The following ADGRL3 variants were observed in gnomAD, a reference collection of about 807,000 sequenced individuals.
ADGRL3 encodes adhesion G protein-coupled receptor L3.
ADGRL3 carries 62 observed loss-of-function variants against 153.5 expected under a neutral mutation model. That is an observed-to-expected ratio of 0.40 (90% CI 0.33 to 0.50). The LOEUF is 0.50. ADGRL3 is among the 20% of genes least tolerant of loss of function. ADGRL3 has a pLI of 0.47. For synonymous variants in ADGRL3, 710 were observed against 672.5 expected, an observed-to-expected ratio of 1.06 and a Z score of -0.86; for missense variants, 1,641 against 1,859.4, an observed-to-expected ratio of 0.88 and a Z score of 2.16.
intron 6 of ADGRL3, among the ~76,000 whole-genome samples, chr4:61,696,833 G>A (rs1023836780): frequency 4.6e-5 from 7 of 151,782 alleles, no homozygotes; most frequent in Non-Finnish European, 7.4e-5. Flanking sequence ...CTGCCACCAC[G>A]TCCAGCTAAA....
At chr4:61,976,613 A>G (rs2099048961) in intron 17 of ADGRL3, among the ~76,000 whole-genome samples, 1 of 152,166 alleles carries the variant, frequency 6.6e-6, no homozygotes, top group Non-Finnish European at 1.5e-5. Context: ...ATAATTGAAT[A>G]ATGGGAGCGG....
At chr4:61,355,982 T>C (rs1265960299) in intron 1 of ADGRL3, among the ~76,000 whole-genome samples, 1 of 152,082 alleles carries the variant, frequency 6.6e-6, no homozygotes, top group Non-Finnish European at 1.5e-5. Flanking sequence ...ATTTATAATG[T>C]ATTTGATCCA....
At chr4:61,507,711 A>G (rs1309223026) in intron 3 of ADGRL3, among the ~76,000 whole-genome samples, 1 of 152,130 alleles carries the variant, frequency 6.6e-6, no homozygotes, top group East Asian at 1.9e-4. Context: ...TCTTACTACC[A>G]TTAAAAAGCA....
intron 9 of ADGRL3, among the ~76,000 whole-genome samples, chr4:61,862,840 A>G (rs2098357351): frequency 6.6e-6 from 1 of 152,120 alleles, no homozygotes; most frequent in Non-Finnish European, 1.5e-5. Flanking sequence ...CAACACTACC[A>G]CTAGATCAGT....
In ADGRL3 at chr4:62,044,331, T is replaced by C. The variant is rs189903466; in HGVS notation, c.3718-122T>C. Reference sequence around the variant, plus strand: ...CTACTGTACTGCAAACATGTAGTTGTCTATTTGCCAAATGCTAGAAACAAA... The same window carrying C: ...CTACTGTACTGCAAACATGTAGTTGCCTATTTGCCAAATGCTAGAAACAAA... On this transcript the variant is annotated intron_variant, in intron 24 of 26. Coordinates refer to ENST00000683033, the MANE Select transcript of ADGRL3 (RefSeq NM_001387552.1). 1,152 of 665,990 alleles carry C rather than the reference T, an allele frequency of 1.7e-3. 4 individuals carry two copies. Among genetic ancestry groups the C allele is most frequent in the Admixed American group, 2.5e-3 (97 of 39,024 alleles). 41.3% of individuals were successfully genotyped at this position (665,990 alleles called of 1,614,324 possible).
At chr4:61,605,770 A>G (rs2099030094) in intron 5 of ADGRL3, among the ~76,000 whole-genome samples, 1 of 152,150 alleles carries the variant, frequency 6.6e-6, no homozygotes, top group Non-Finnish European at 1.5e-5. Flanking sequence ...CCTTTATGAA[A>G]AGCTTATGTA....
chr4:61,372,998 C>T (rs188364275), intron 1 of ADGRL3, among the ~76,000 whole-genome samples: 8 of 152,132 alleles, frequency 5.3e-5, no homozygotes, highest in Middle Eastern at 3.2e-3. Flanking sequence ...TCTCCAGGTG[C>T]GGTCGGTCAC....
chr4:61,456,104 G>C (rs1046579540), intron 2 of ADGRL3, among the ~76,000 whole-genome samples: 1 of 151,682 alleles, frequency 6.6e-6, no homozygotes, highest in Non-Finnish European at 1.5e-5. Flanking sequence ...ATGCCCGGCC[G>C]ACCCTACATT....
chr4:61,558,166 T>C (rs2098776481), intron 4 of ADGRL3, among the ~76,000 whole-genome samples: 1 of 98,846 alleles, frequency 1.0e-5, no homozygotes, highest in Admixed American at 1.1e-4. Flanking sequence ...TACACATATG[T>C]AGGAATCATA....
At chr4:61,988,814 A>G (rs2099094494) in intron 19 of ADGRL3, among the ~76,000 whole-genome samples, 1 of 152,150 alleles carries the variant, frequency 6.6e-6, no homozygotes, top group Non-Finnish European at 1.5e-5. Context: ...TCTAGGAGAG[A>G]AAATCTGGGC....
At chr4:61,542,759 T>C (rs1488656789) in intron 4 of ADGRL3, among the ~76,000 whole-genome samples, 2 of 152,206 alleles carry the variant, frequency 1.3e-5, no homozygotes, top group African/African-American at 4.8e-5. Context: ...CACAAATACA[T>C]ATTTATGGAA....
intron 2 of ADGRL3, among the ~76,000 whole-genome samples, chr4:61,432,570 CTTCCTTTCTTTCTTTCTTTCTTTCTT>C (rs563363850): frequency 0.24 from 17,067 of 71,452 alleles, 5,742 homozygotes; most frequent in Middle Eastern, 0.3. Flanking sequence ...TTTTCTTTCT[CTTCCTTTCTTTCTTTCTTTCTTTCTT>C]TCTTTCTTTC....
intron 11 of ADGRL3, among the ~76,000 whole-genome samples, chr4:61,904,192 A>AC (rs2098682929): frequency 6.6e-6 from 1 of 151,518 alleles, no homozygotes; most frequent in Non-Finnish European, 1.5e-5. Flanking sequence ...AAAAAAAAAA[A>AC]ACACTTCTTG....
At chr4:61,688,340 T>C (rs947256495) in intron 6 of ADGRL3, among the ~76,000 whole-genome samples, 5 of 152,118 alleles carry the variant, frequency 3.3e-5, no homozygotes, top group African/African-American at 1.2e-4. Context: ...CACTAGAGAA[T>C]GTAACTTAGA....
chr4:61,549,570 C>T (rs2098730880), intron 4 of ADGRL3, among the ~76,000 whole-genome samples: 1 of 152,002 alleles, frequency 6.6e-6, no homozygotes, highest in Admixed American at 6.6e-5. Context: ...CTCCTTATTG[C>T]ATCATTCTAT....
chr4:62,027,173 T>C (rs1183304911), intron 21 of ADGRL3, among the ~76,000 whole-genome samples: 1 of 152,092 alleles, frequency 6.6e-6, no homozygotes, highest in African/African-American at 2.4e-5. Context: ...GATGGTAATA[T>C]AAGTACAGGA....
intron 2 of ADGRL3, among the ~76,000 whole-genome samples, chr4:61,445,219 G>C (rs2097569311): frequency 6.6e-6 from 1 of 152,136 alleles, no homozygotes; most frequent in Admixed American, 6.6e-5. Flanking sequence ...ACTGGTACTA[G>C]GAGGAGGATG....
At chr4:62,033,011 A>G (rs1352314209) in intron 23 of ADGRL3, among the ~76,000 whole-genome samples, 1 of 151,776 alleles carries the variant, frequency 6.6e-6, no homozygotes, top group Non-Finnish European at 1.5e-5. Context: ...AATAAAATAG[A>G]TGAACCCTCC....
At chr4:61,593,339 C>A (rs1453530338) in intron 5 of ADGRL3, among the ~76,000 whole-genome samples, 1 of 151,916 alleles carries the variant, frequency 6.6e-6, no homozygotes, top group African/African-American at 2.4e-5. Flanking sequence ...CCTACTGTTA[C>A]CAGGGAGGTT....
Sources: allele counts gnomAD v4.1 joint callset (sites outside exome capture counted in the v4.1 genomes callset), GRCh38; gene constraint gnomAD v4.1.1; transcripts MANE v1.5; gene names NCBI Gene and HGNC (gene_info 2026-07-23, HGNC 2026-07-21).